ITGB8: variants seen among roughly 807,000 people sequenced by gnomAD.
The protein encoded by ITGB8 is integrin subunit beta 8.
Under a neutral mutation model 89.5 loss-of-function variants are expected in ITGB8, and 30 were observed. The observed-to-expected ratio is 0.34, with a 90% CI of 0.25 to 0.45. The LOEUF (loss-of-function observed/expected upper bound fraction) is 0.45. Ranked by LOEUF, ITGB8 falls within the 20% of genes least tolerant of loss-of-function variation. ITGB8 has a pLI of 1.00. For synonymous variants in ITGB8, 335 were observed against 320.4 expected (o/e 1.05, Z -0.49); for missense variants, 836 against 933.3 (o/e 0.90, Z 1.36).
At chr7:20,390,620 T>C (rs1786815593) in intron 6 of ITGB8, among the ~76,000 whole-genome samples, 1 of 152,146 alleles carries the variant, frequency 6.6e-6, no homozygotes, top group African/African-American at 2.4e-5. Flanking sequence ...AGCATAATGA[T>C]AAGTTGAGAA....
chr7:20,333,839 A>G (rs1233200693), intron 1 of ITGB8, among the ~76,000 whole-genome samples: 1 of 152,194 alleles, frequency 6.6e-6, no homozygotes, highest in Non-Finnish European at 1.5e-5. Context: ...TATAGCCAGT[A>G]TAACTCAGAA....
At chr7:20,336,285 G>A (rs762099562) in intron 1 of ITGB8, among the ~76,000 whole-genome samples, 24 of 152,192 alleles carry the variant, frequency 1.6e-4, no homozygotes, top group African/African-American at 4.6e-4. Context: ...GCTTACAGGC[G>A]TGAGCCACCA....
intron 7 of ITGB8, among the ~76,000 whole-genome samples, chr7:20,393,589 C>T (rs867454494): frequency 6.6e-6 from 1 of 152,172 alleles, no homozygotes; most frequent in Non-Finnish European, 1.5e-5. Flanking sequence ...CACATGAGGC[C>T]ATGTCTCTGC....
In ITGB8 at chr7:20,413,513, C is replaced by G. The variant is rs1404791076; in HGVS notation, c.*3516C>G. ...TGGTAGAGTAGATTAGACTCAAAGG[C>G]TTTTTCTTCCTTTTCTTACTCCTGT... On this transcript the variant is annotated 3_prime_UTR_variant, in exon 14 of 14. Coordinates refer to ENST00000222573, the MANE Select transcript of ITGB8 (RefSeq NM_002214.3). 1.3e-5 allele frequency: 2 copies of G among 152,402 alleles called. No homozygotes were observed. The highest frequency in any genetic ancestry group is 2.9e-5 in the Non-Finnish European group (2 of 67,924). 9.4% of individuals were successfully genotyped at this position (152,402 alleles called of 1,614,324 possible).
At chr7:20,366,119 A>G (rs777143802) in intron 2 of ITGB8, 2 of 152,180 alleles carry the variant, frequency 1.3e-5, no homozygotes, top group Non-Finnish European at 2.9e-5. Flanking sequence ...ATTAGGATAG[A>G]AACAGCATCA....
chr7:20,401,139 C>T (rs1787292579), intron 9 of ITGB8, among the ~76,000 whole-genome samples: 3 of 152,020 alleles, frequency 2.0e-5, no homozygotes. Context: ...CCACCATGCT[C>T]AGCTAATTTT....
intron 1 of ITGB8, among the ~76,000 whole-genome samples, chr7:20,361,752 A>G (rs888168759): frequency 1.3e-5 from 2 of 152,230 alleles, no homozygotes; most frequent in Admixed American, 1.3e-4. Context: ...ACATTTTAGT[A>G]GTAAGCAGAT....
rs567040862 is a variant in ITGB8, at chr7:20,355,371, T to C, written c.128-8266T>C. Among the ~76,000 whole-genome samples, 33 of 152,298 alleles carry C rather than the reference T, an allele frequency of 2.2e-4. No individual in the cohort carries two copies. The South Asian group carries it at 6.0e-3, about 28-fold the overall frequency. The stretch of plus-strand genomic sequence containing the variant: ...CCCAGTAAATCACTTGCTAACAATC[T>C]CTACTCTAGGGTCTTTCTCAGGGGA... On this transcript the variant is annotated intron_variant, in intron 1 of 13. Coordinates refer to ENST00000222573, the MANE Select transcript of ITGB8 (RefSeq NM_002214.3).
At chr7:20,355,682 T>C (rs1785269301) in intron 1 of ITGB8, among the ~76,000 whole-genome samples, 1 of 152,192 alleles carries the variant, frequency 6.6e-6, no homozygotes, top group South Asian at 2.1e-4. Flanking sequence ...TTCATTTCCA[T>C]GGTCTGAATG....
Position 20,414,406 on chromosome 7 carries a change from G to C in ITGB8, c.*4409G>C, listed in dbSNP as rs1410490979. The C allele has an allele frequency of 6.6e-6, 1 of 152,296 alleles. No homozygotes were observed. Among genetic ancestry groups the C allele is most frequent in the Non-Finnish European group, 1.5e-5 (1 of 67,932 alleles). The allele number at this position is 152,296 out of a possible 1,614,324, so 9.4% of individuals were successfully genotyped here. A position where few individuals can be genotyped will look rare whatever the true frequency, so the allele number is the denominator to read the frequency against. On this transcript the variant is annotated 3_prime_UTR_variant, in exon 14 of 14. Transcript: ENST00000222573. ...CTAACTTAACTAACAAGAATGGGTA[G>C]GTATGTCTACGTTTCATTAACAAAT...
chr7:20,373,827 A>AT (rs1284217897), intron 3 of ITGB8, among the ~76,000 whole-genome samples: 11 of 152,040 alleles, frequency 7.2e-5, no homozygotes, highest in Admixed American at 1.3e-4. Flanking sequence ...TAAGCAGATC[A>AT]TTTTTTTACT....
rs998168349 is a variant in ITGB8, at chr7:20,331,459, G to C, written c.-348G>C. On this transcript the variant is annotated 5_prime_UTR_variant, in exon 1 of 14. Coordinates refer to ENST00000222573, the MANE Select transcript of ITGB8 (RefSeq NM_002214.3). ...TATGCAGCAGAAGCCCCACCGGCTG[G>C]AGAGAAACAAAAGCTCTTTTCTTTG... 4.4e-5 allele frequency: 18 copies of C among 413,540 alleles called. No homozygotes were observed. The highest frequency in any genetic ancestry group is 1.3e-4 in the Admixed American group (3 of 22,774). The allele number at this position is 413,540 out of a possible 1,614,324, so 25.6% of individuals were successfully genotyped here.
chr7:20,406,365 A>G (rs1055564879), intron 12 of ITGB8, among the ~76,000 whole-genome samples, 194 bp downstream of exon 12: 1 of 152,190 alleles, frequency 6.6e-6, no homozygotes, highest in Non-Finnish European at 1.5e-5. Flanking sequence ...AGCCTGGCCA[A>G]CGTGGTGAAA....
Position 20,409,891 on chromosome 7 carries a change from A to C in ITGB8, c.2204A>C (p.Gln735Pro). Residue 735 changes from glutamine (Q) to proline (P), a missense_variant, in exon 14 of 14, where the codon CAA becomes CCA. Gln to Pro is a moderately conservative substitution (Grantham distance 76, BLOSUM62 -1). Transcript: ENST00000222573. The part of the protein sequence containing the change: ...SASKKDKLIL[Q>P]SVCTRAVTYR... ...TCTATTAAGGATAAGTTGATTCTGCAAAGTGTTTGCACAAGAGCAGTCACC... is the reference window on the plus strand; with the variant it reads ...TCTATTAAGGATAAGTTGATTCTGCCAAGTGTTTGCACAAGAGCAGTCACC... 6.2e-7 allele frequency: 1 copy of C among 1,613,586 alleles called. No individual in the cohort carries two copies.
intron 1 of ITGB8, among the ~76,000 whole-genome samples, chr7:20,359,389 G>C (rs1365229260): frequency 6.6e-6 from 1 of 152,210 alleles, no homozygotes; most frequent in Non-Finnish European, 1.5e-5. Context: ...GCAAATAGCT[G>C]AACAAGCAGC....
intron 1 of ITGB8, among the ~76,000 whole-genome samples, chr7:20,349,109 C>T (rs149195325): frequency 0.017 from 2,515 of 151,990 alleles, 66 homozygotes; most frequent in African/African-American, 0.056. Context: ...TAAAGTATTA[C>T]GGAAGATTAT....
At chr7:20,409,010 A>C (rs1033279539) in intron 12 of ITGB8, among the ~76,000 whole-genome samples, 2 of 152,164 alleles carry the variant, frequency 1.3e-5, no homozygotes, top group Admixed American at 6.5e-5. Context: ...CAAATTGGAC[A>C]CTCCTATTTC....
rs191969965 is a variant in ITGB8, at chr7:20,345,893, G to C, written c.127+13960G>C. ...GAGCTGATGCATCTTGTATTGCAAA[G>C]ATGATGTGTGTATATACAAAAATTG... On this transcript the variant is annotated intron_variant, in intron 1 of 13. Coordinates refer to ENST00000222573, the MANE Select transcript of ITGB8 (RefSeq NM_002214.3). Among the ~76,000 whole-genome samples, 234 of 152,310 alleles carry C rather than the reference G, an allele frequency of 1.5e-3. 1 individual carries two copies. The highest frequency in any genetic ancestry group is 2.5e-3 in the Non-Finnish European group (173 of 68,028).
intron 7 of ITGB8, among the ~76,000 whole-genome samples, chr7:20,391,936 T>G (rs1392338547): frequency 6.6e-6 from 1 of 152,212 alleles, no homozygotes; most frequent in Non-Finnish European, 1.5e-5. Context: ...CTGACACACC[T>G]AGCTTTGGTC....
Sources: allele counts gnomAD v4.1 joint callset (sites outside exome capture counted in the v4.1 genomes callset), GRCh38; gene constraint gnomAD v4.1.1; transcripts MANE v1.5; gene names NCBI Gene and HGNC (gene_info 2026-07-23, HGNC 2026-07-21).